Variants in SEZ6 observed in about 807,000 individuals in gnomAD.
The protein encoded by SEZ6 is seizure protein 6 homolog.
A neutral mutation model predicts 101.0 loss-of-function variants in SEZ6; 53 were observed. The observed-to-expected ratio is 0.52, with a 90% CI of 0.42 to 0.66. The LOEUF (loss-of-function observed/expected upper bound fraction) is 0.66, where lower values mean the gene tolerates loss of function less well. Ranked by LOEUF, SEZ6 falls within the 30% of genes least tolerant of loss-of-function variation. SEZ6 has a pLI of 0.00. For missense variants in SEZ6, 1,102 were observed against 1,289.4 expected (o/e 0.85, Z 2.23); for synonymous variants, 488 against 512.2 (o/e 0.95, Z 0.64).
intron 1 of SEZ6, among the ~76,000 whole-genome samples, chr17:28,987,847 C>T (rs995124265): frequency 2.0e-5 from 3 of 152,174 alleles, no homozygotes; most frequent in Admixed American, 6.5e-5. Context: ...TCCAAGGTCA[C>T]GCAGCTAATG....
Position 28,956,394 on chromosome 17 carries a change from C to T in SEZ6, c.2805G>A (p.Val935=). Residue 935 remains valine, a synonymous_variant, in exon 15 of 17, where the codon GTG becomes GTA. Coordinates refer to ENST00000317338, the MANE Select transcript of SEZ6 (RefSeq NM_178860.5). ...HIAAAIFLPL[V]AMVLLVGGVY... ...CACCTCCTACCAACAACACCATCGC[C>T]ACCAGTGGCAAGAAGATGGCAGCTG... The T allele has an allele frequency of 6.4e-7, 1 of 1,572,016 alleles. No individual in the cohort carries two copies. Among genetic ancestry groups the T allele is most frequent in the African/African-American group, 1.3e-5 (1 of 74,084 alleles).
chr17:28,957,979 G>A lies in SEZ6; in HGVS notation c.2270C>T (p.Thr757Ile). The A allele has an allele frequency of 6.2e-7, 1 of 1,613,972 alleles. No homozygotes were observed. The highest frequency in any genetic ancestry group is 8.5e-7 in the Non-Finnish European group (1 of 1,179,834). ...SSVLMCQWDL[T>I]WSEDLPSCQR... is the part of the protein sequence containing the mutation. Reference sequence around the variant, plus strand: ...GCATGAGGGCAGGTCCTCACTCCAAGTTAGGTCCCACTGGCACATGAGGAC... The same window carrying A: ...GCATGAGGGCAGGTCCTCACTCCAAATTAGGTCCCACTGGCACATGAGGAC... Residue 757 changes from threonine to isoleucine, a missense_variant, in exon 11 of 17, where the codon ACT becomes ATT. Around this residue, in one of 3 missense-constraint regions of SEZ6, gnomAD observed 556 missense variants for 735.1 expected, o/e 0.76. Transcript: ENST00000317338.
rs993247954 is a variant in SEZ6 at position 28,960,620 on chromosome 17, G to A, written c.1461C>T (p.Ser487=). 2 of 1,593,100 alleles carry A rather than the reference G, an allele frequency of 1.3e-6. No homozygotes were observed. The highest frequency in any genetic ancestry group is 2.7e-5 in the African/African-American group (2 of 74,432). The part of the protein sequence containing the change: ...DNVEAPPVYD[S]YEVEYLPIEG... ...CAATGGGCAGGTATTCCACCTCATA[G>A]GAATCATACACTGGTGGGGCCTCCA... The change falls in exon 7 of 17, where the codon TCC becomes TCT. Residue 487 remains serine, a synonymous_variant. Coordinates refer to ENST00000317338, the MANE Select transcript of SEZ6 (RefSeq NM_178860.5).
rs1466913994 is a variant in SEZ6, at chr17:28,957,414, T to G, written c.2428A>C (p.Ile810Leu). The change falls in exon 12 of 17, where the codon ATC becomes CTC. Residue 810 changes from isoleucine to leucine, a missense_variant. Ile to Leu is a conservative substitution (Grantham distance 5). This residue lies in a region of SEZ6 where 556 missense variants were observed against 735.1 expected (regional missense o/e 0.76). Transcript: ENST00000317338. ...DQGFVLMGSSILTCHDRQAGS... is the reference protein window; with the variant it reads ...DQGFVLMGSSLLTCHDRQAGS... Reference sequence around the variant, plus strand: ...GCCTGGCGATCATGGCAGGTGAGGATGGAGCTGCCCATCAGCACAAAACCC... The same window carrying G: ...GCCTGGCGATCATGGCAGGTGAGGAGGGAGCTGCCCATCAGCACAAAACCC... 1 of 1,613,752 alleles carries G rather than the reference T, an allele frequency of 6.2e-7. No individual in the cohort carries two copies. Among genetic ancestry groups the G allele is most frequent in the South Asian group, 1.1e-5 (1 of 91,054 alleles).
chr17:28,999,107 A>T (rs1228558611), intron 1 of SEZ6, among the ~76,000 whole-genome samples: 2 of 152,132 alleles, frequency 1.3e-5, no homozygotes, highest in Non-Finnish European at 2.9e-5. Context: ...GAATGGAAGG[A>T]TGGATGGATG....
Position 28,960,304 on chromosome 17 carries a change from G to C in SEZ6, c.1576+201C>G, listed in dbSNP as rs141142110. The C allele has an allele frequency of 2.0e-4, 141 of 705,858 alleles. No homozygotes were observed. The East Asian group carries it at 3.8e-3, about 19-fold the overall frequency. The allele number at this position is 705,858 out of a possible 1,614,324, so 43.7% of individuals were successfully genotyped here. A position where few individuals can be genotyped will look rare whatever the true frequency, so the allele number is the denominator to read the frequency against. On this transcript the variant is annotated intron_variant, in intron 7 of 16. Transcript: ENST00000317338. Reference sequence around the variant, plus strand: ...ACCATAGGGCCTGGGTCCAGGCAGAGGTTTCCTGCAAAGCTGTGGTAGGGA... The same window carrying C: ...ACCATAGGGCCTGGGTCCAGGCAGACGTTTCCTGCAAAGCTGTGGTAGGGA...
chr17:29,001,111 T>C (rs2152693824), intron 1 of SEZ6, among the ~76,000 whole-genome samples: 1 of 152,254 alleles, frequency 6.6e-6, no homozygotes, highest in East Asian at 1.9e-4. Flanking sequence ...GTTGGGATAA[T>C]TGGCCAACTG....
At chr17:28,999,832 C>T (rs970032836) in intron 1 of SEZ6, among the ~76,000 whole-genome samples, 3 of 152,200 alleles carry the variant, frequency 2.0e-5, no homozygotes, top group Non-Finnish European at 2.9e-5. Flanking sequence ...CCACATCACT[C>T]TGCTCTGGCC....
chr17:28,959,327 C>T lies in SEZ6; in HGVS notation c.1910+7G>A, dbSNP rs1598178721. Reference sequence around the variant, plus strand: ...AGTTGGCTCGGCCTGACCCGGTAGGCACTCACACTCGGATGTCCAGCATGA... The same window carrying T: ...AGTTGGCTCGGCCTGACCCGGTAGGTACTCACACTCGGATGTCCAGCATGA... On this transcript the variant is annotated splice_region_variant and intron_variant, in intron 9 of 16. Coordinates refer to ENST00000317338, the MANE Select transcript of SEZ6 (RefSeq NM_178860.5). The surrounding 1 kb of genome is among the most constrained non-coding windows in gnomAD (Gnocchi z 4.4). 1 of 1,613,944 alleles carries T rather than the reference C, an allele frequency of 6.2e-7. No individual in the cohort carries two copies. Among genetic ancestry groups the T allele is most frequent in the East Asian group, 2.2e-5 (1 of 44,878 alleles).
chr17:28,986,701 TACCAGTCAGCC>T (rs2041389244), intron 1 of SEZ6, among the ~76,000 whole-genome samples: 1 of 152,200 alleles, frequency 6.6e-6, no homozygotes, highest in Admixed American at 6.5e-5. Flanking sequence ...GATCTTTCTG[TACCAGTCAGCC>T]AGAAAGCCTT....
At chr17:29,004,762 T>C (rs2041662675) in intron 1 of SEZ6, among the ~76,000 whole-genome samples, 1 of 152,168 alleles carries the variant, frequency 6.6e-6, no homozygotes, top group South Asian at 2.1e-4. Context: ...ACCAGCCTAC[T>C]GCAGCGGGAG....
intron 11 of SEZ6, 70 bp from the exon 12 acceptor site, chr17:28,957,609 T>A: frequency 6.7e-7 from 1 of 1,502,792 alleles, no homozygotes; most frequent in Non-Finnish European, 9.0e-7. Context: ...ACCCTGGCTT[T>A]GTTCCAGGCC....
intron 4 of SEZ6, among the ~76,000 whole-genome samples, chr17:28,966,290 A>G (rs2041066247): frequency 6.7e-6 from 1 of 148,244 alleles, no homozygotes; most frequent in Admixed American, 6.8e-5. Flanking sequence ...ACCAGCTAAC[A>G]TGGTAAAACC....
chr17:28,997,307 A>G (rs2152692998), intron 1 of SEZ6, among the ~76,000 whole-genome samples: 1 of 152,214 alleles, frequency 6.6e-6, no homozygotes, highest in East Asian at 1.9e-4. Context: ...AGTTGACTCC[A>G]TGTCTTACCT....
At chr17:28,967,590 C>A (rs1177512408) in intron 4 of SEZ6, among the ~76,000 whole-genome samples, 2 of 152,190 alleles carry the variant, frequency 1.3e-5, no homozygotes, top group African/African-American at 4.8e-5. Context: ...TGGGGCACCA[C>A]ACCCAGAGTG....
chr17:28,980,511 G>A (rs564272980), intron 2 of SEZ6, among the ~76,000 whole-genome samples: 4 of 151,258 alleles, frequency 2.6e-5, no homozygotes, highest in Admixed American at 1.3e-4. Context: ...CTGGGACTAC[G>A]GGCACCCCCC....
intron 3 of SEZ6, among the ~76,000 whole-genome samples, chr17:28,971,517 T>C (rs1483783762): frequency 6.6e-6 from 1 of 151,646 alleles, no homozygotes; most frequent in African/African-American, 2.4e-5. Context: ...CGCTTGAACC[T>C]GGGAGGCGGA....
chr17:29,004,597 C>T (rs1278338808), intron 1 of SEZ6, among the ~76,000 whole-genome samples: 1 of 152,216 alleles, frequency 6.6e-6, no homozygotes, highest in Non-Finnish European at 1.5e-5. Context: ...GGGGGCCCAG[C>T]CTGTCCCTGG....
In SEZ6 at chr17:29,005,839, AG is replaced by A; in HGVS notation, c.30del (p.Ser11ArgfsTer12). The A allele has an allele frequency of 6.7e-7, 1 of 1,485,974 alleles. No homozygotes were observed. The allele number at this position is 1,485,974 out of a possible 1,614,324, so 92.0% of individuals were successfully genotyped here. MRPVALLLL[P>X]SLLALLAHGL... Reference sequence around the variant, plus strand: ...CCGTGAGCCAGGAGCGCCAGCAGCGAGGGCAGGAGCAGCAGGGCTACCGGGC... The same window carrying A: ...CCGTGAGCCAGGAGCGCCAGCAGCGAGGCAGGAGCAGCAGGGCTACCGGGC... On this transcript the variant is annotated frameshift_variant, in exon 1 of 17. Transcript: ENST00000317338. LOFTEE classifies it high-confidence loss of function. The surrounding 1 kb of genome is among the most constrained non-coding windows in gnomAD (Gnocchi z 4.8).
Sources: allele counts gnomAD v4.1 joint callset (sites outside exome capture counted in the v4.1 genomes callset), GRCh38; gene constraint gnomAD v4.1.1; regional missense constraint gnomAD v4.1.1; non-coding constraint Gnocchi (gnomAD v3.1); transcripts MANE v1.5; gene names NCBI Gene and HGNC (gene_info 2026-07-23, HGNC 2026-07-21).